LINGO1: variants seen among roughly 807,000 people sequenced by gnomAD.
The protein encoded by LINGO1 is leucine-rich repeat and immunoglobulin-like domain-containing nogo receptor-interacting protein 1.
LINGO1 carries 11 observed loss-of-function variants against 37.3 expected under a neutral mutation model. The ratio of observed to expected loss-of-function variants is 0.29; its 90% CI spans 0.19 to 0.49. The LOEUF is 0.49. Among genes scored for constraint, LINGO1 ranks in the 20% least tolerant of loss-of-function variants. The probability of loss-of-function intolerance (pLI) is 0.99; values close to 1 mark genes in which losing one functional copy is unlikely to be tolerated. For synonymous variants in LINGO1, 387 were observed against 403.0 expected, an observed-to-expected ratio of 0.96 and a Z score of 0.48; for missense variants, 585 against 878.2, an observed-to-expected ratio of 0.67 and a Z score of 4.22.
At chr15:77,676,039 C>A (rs541546324) in intron 3 of LINGO1, among the ~76,000 whole-genome samples, 7 of 152,376 alleles carry the variant, frequency 4.6e-5, no homozygotes, top group Admixed American at 4.6e-4. Flanking sequence ...TCAGCCTGGG[C>A]TCCGCTGTCA....
At chr15:77,813,069 C>T (rs1169152554) in intron 1 of LINGO1, among the ~76,000 whole-genome samples, 5 of 152,216 alleles carry the variant, frequency 3.3e-5, no homozygotes, top group South Asian at 2.1e-4. Context: ...CCAGTCCCTG[C>T]CACCAAGGTG....
At chr15:77,707,199 G>T (rs563832612) in intron 2 of LINGO1, among the ~76,000 whole-genome samples, 8 of 152,330 alleles carry the variant, frequency 5.3e-5, no homozygotes, top group Admixed American at 2.0e-4. Context: ...AGAGGGAGAA[G>T]AAAGAGGGAG....
chr15:77,783,832 T>A (rs2076745350), intron 1 of LINGO1, among the ~76,000 whole-genome samples: 1 of 152,200 alleles, frequency 6.6e-6, no homozygotes, highest in African/African-American at 2.4e-5. Context: ...AGTGCTTTTT[T>A]TCCTCGGTGC....
At chr15:77,757,270 G>A (rs1178241603) in intron 1 of LINGO1, among the ~76,000 whole-genome samples, 1 of 152,252 alleles carries the variant, frequency 6.6e-6, no homozygotes. Context: ...TGCCGCAGGG[G>A]CCCAGGCTCT....
chr15:77,615,909 G>A lies in LINGO1; in HGVS notation c.7-9C>T, dbSNP rs76669376. On this transcript the variant is annotated splice_polypyrimidine_tract_variant and intron_variant, in intron 1 of 1. Coordinates refer to ENST00000355300, the MANE Select transcript of LINGO1 (RefSeq NM_032808.7). ...AGCATCCTCTTGCTCACCTGCAGCC[G>A]GGAGCAAGCACAGGACAGAGGTGGC... 2.5e-3 allele frequency: 3,695 copies of A among 1,461,004 alleles called. 46 individuals are homozygous for A. In the East Asian group the frequency reaches 0.034, roughly 13 times the overall value. 90.5% of individuals were successfully genotyped at this position (1,461,004 alleles called of 1,614,324 possible). A position where few individuals can be genotyped will look rare whatever the true frequency, so the allele number is the denominator to read the frequency against.
upstream of LINGO1, among the ~76,000 whole-genome samples, chr15:77,697,844 G>C (rs1174628767): frequency 6.6e-6 from 1 of 152,186 alleles, no homozygotes; most frequent in African/African-American, 2.4e-5. Context: ...AAGCAGTGGG[G>C]AAGGGCACCG....
intron 1 of LINGO1, among the ~76,000 whole-genome samples, chr15:77,624,059 G>A (rs1172007146): frequency 2.7e-5 from 4 of 147,474 alleles, no homozygotes; most frequent in Admixed American, 2.0e-4. Context: ...GTGTGAGTGC[G>A]GTGTGTGAGT....
upstream of LINGO1, among the ~76,000 whole-genome samples, chr15:77,788,887 C>T (rs35130910): frequency 0.76 from 115,098 of 152,084 alleles, 43,754 homozygotes; most frequent in Admixed American, 0.81. Context: ...CCAAAGGATA[C>T]GGGGATTGGA....
intron 3 of LINGO1, among the ~76,000 whole-genome samples, chr15:77,664,170 T>TGTGTGTGTGTGTGTGCGCGCGCGCGCGC: frequency 5.3e-5 from 7 of 130,940 alleles, no homozygotes; most frequent in African/African-American, 2.2e-4. Context: ...TGTGTGTGTG[T>TGTGTGTGTGTGTGTGCGCGCGCGCGCGC]GCGCGCGCGC....
chr15:77,696,060 A>G (rs570156701), intron 1 of LINGO1: 2 of 152,230 alleles, frequency 1.3e-5, no homozygotes, highest in East Asian at 3.9e-4. Context: ...AGGAAACTAC[A>G]CGCTTGAAGC....
intron 1 of LINGO1, among the ~76,000 whole-genome samples, chr15:77,622,137 G>A (rs1404584133): frequency 2.6e-5 from 4 of 152,196 alleles, no homozygotes; most frequent in Non-Finnish European, 5.9e-5. Context: ...GGGGGCTAGA[G>A]CACTTCGGAA....
chr15:77,801,354 G>A (rs991836060), intron 1 of LINGO1, among the ~76,000 whole-genome samples: 4 of 152,136 alleles, frequency 2.6e-5, no homozygotes, highest in Admixed American at 2.0e-4. Flanking sequence ...AGTGAGGCAC[G>A]TCTATGTATA....
intron 1 of LINGO1, among the ~76,000 whole-genome samples, chr15:77,799,853 C>A (rs2076903394): frequency 6.6e-6 from 1 of 152,154 alleles, no homozygotes; most frequent in African/African-American, 2.4e-5. Context: ...GAGGGAACAC[C>A]TTCCAGAGTT....
intron 2 of LINGO1, among the ~76,000 whole-genome samples, chr15:77,707,983 G>A (rs2075873027): frequency 6.6e-6 from 1 of 152,194 alleles, no homozygotes. Context: ...CCAGCCAGCG[G>A]GGAACCCTGT....
rs571284263 is a variant in LINGO1 at position 77,688,234 on chromosome 15, A to G, written c.-99+2486T>C. On this transcript the variant is annotated intron_variant, in intron 2 of 3. Transcript: ENST00000559893. ...GCGGCACCTGCCCCCGAGCCTCCCA[A>G]CAGCCCAGCCAAGCCCCCCACTGTC... is the stretch of plus-strand genomic sequence containing the variant. 4.7e-3 allele frequency among the ~76,000 whole-genome samples: 713 copies of G among 152,354 alleles called. 6 individuals carry two copies. Among genetic ancestry groups the G allele is most frequent in the African/African-American group, 0.017 (687 of 41,580 alleles).
chr15:77,617,598 A>G (rs2073773079), intron 1 of LINGO1, among the ~76,000 whole-genome samples: 1 of 151,856 alleles, frequency 6.6e-6, no homozygotes, highest in Non-Finnish European at 1.5e-5. Context: ...ACCCCTTCCC[A>G]CACCTCACAC....
intron 1 of LINGO1, among the ~76,000 whole-genome samples, chr15:77,774,824 G>A (rs1310898672): frequency 2.6e-5 from 4 of 152,312 alleles, no homozygotes; most frequent in South Asian, 4.1e-4. Context: ...TTCTATCCAC[G>A]TACAGAGAAG....
intron 1 of LINGO1, among the ~76,000 whole-genome samples, chr15:77,735,690 T>G (rs1445082275): frequency 6.6e-6 from 1 of 151,046 alleles, no homozygotes; most frequent in African/African-American, 2.4e-5. Context: ...GTCCTGGGGG[T>G]GGTGGGGCCT....
chr15:77,801,030 G>A (rs1236351020), intron 1 of LINGO1, among the ~76,000 whole-genome samples: 3 of 152,222 alleles, frequency 2.0e-5, no homozygotes, highest in African/African-American at 7.2e-5. Context: ...GTGCTGGCAA[G>A]GATGTGGGGA....
Sources: allele counts gnomAD v4.1 joint callset (sites outside exome capture counted in the v4.1 genomes callset), GRCh38; gene constraint gnomAD v4.1.1; transcripts MANE v1.5; gene names NCBI Gene and HGNC (gene_info 2026-07-23, HGNC 2026-07-21).